Variants in NRP1 observed in about 807,000 individuals in gnomAD.
NRP1 encodes neuropilin-1.
Under a neutral mutation model 106.7 loss-of-function variants are expected in NRP1, and 35 were observed. The ratio of observed to expected loss-of-function variants is 0.33; its 90% confidence interval spans 0.25 to 0.43. The LOEUF (loss-of-function observed/expected upper bound fraction) is 0.43, where lower values mean the gene tolerates loss of function less well. Among genes scored for constraint, NRP1 ranks in the 20% least tolerant of loss-of-function variants. The pLI is 1.00. For synonymous variants in NRP1, 437 were observed against 417.9 expected, an observed-to-expected ratio of 1.05 and a Z score of -0.56; for missense variants, 1,024 against 1,170.4, an observed-to-expected ratio of 0.87 and a Z score of 1.83.
Position 33,330,751 on chromosome 10 carries a change from T to A in NRP1, c.205A>T (p.Ile69Phe). 6.2e-7 allele frequency: 1 copy of A among 1,613,736 alleles called. No individual in the cohort carries two copies. Residue 69 changes from isoleucine (I) to phenylalanine (F), a missense_variant, in exon 2 of 17, where the codon ATC becomes TTC. Ile to Phe is a conservative substitution (Grantham distance 21, BLOSUM62 0). Coordinates refer to ENST00000374867, the MANE Select transcript of NRP1 (RefSeq NM_003873.7). ...QAPDPYQRIM[I>F]NFNPHFDLED... The stretch of plus-strand genomic sequence containing the variant: ...AAATCGAAGTGAGGGTTGAAGTTGA[T>A]CATAATTCTCTGGTATGGGTCCGGA...
chr10:33,202,087 T>A (rs2132697596), intron 11 of NRP1: 1 of 152,224 alleles, frequency 6.6e-6, no homozygotes, highest in East Asian at 1.9e-4. Flanking sequence ...CAAATGAGAG[T>A]CAGATGCTAT....
intron 8 of NRP1, among the ~76,000 whole-genome samples, chr10:33,214,549 T>C (rs1838599617): frequency 6.6e-6 from 1 of 151,960 alleles, no homozygotes; most frequent in Non-Finnish European, 1.5e-5. Context: ...CCGAGCGCTC[T>C]GGCCAGGGTG....
chr10:33,259,949 G>T (rs995756139), intron 4 of NRP1, among the ~76,000 whole-genome samples: 1 of 151,996 alleles, frequency 6.6e-6, no homozygotes, highest in Non-Finnish European at 1.5e-5. Flanking sequence ...AGAACTCTTG[G>T]GCCCAAGTGA....
intron 8 of NRP1, among the ~76,000 whole-genome samples, chr10:33,215,943 AGCTTTC>A (rs1379312898): frequency 1.3e-5 from 2 of 151,980 alleles, no homozygotes; most frequent in African/African-American, 4.8e-5. Context: ...GGAGTTTGGG[AGCTTTC>A]TTTCTGTTCC....
chr10:33,188,908 T>TAA (rs926006694), intron 13 of NRP1, among the ~76,000 whole-genome samples: 1 of 105,950 alleles, frequency 9.4e-6, no homozygotes, highest in African/African-American at 4.4e-5. Flanking sequence ...GACCCTGTCT[T>TAA]AAATATATAT....
chr10:33,328,384 A>T (rs1022198250), intron 2 of NRP1, among the ~76,000 whole-genome samples: 1 of 152,160 alleles, frequency 6.6e-6, no homozygotes, highest in Non-Finnish European at 1.5e-5. Context: ...CTATGGATTT[A>T]TGCTAATTCT....
At chr10:33,193,692 C>T (rs1335438581) in intron 12 of NRP1, among the ~76,000 whole-genome samples, 1 of 152,204 alleles carries the variant, frequency 6.6e-6, no homozygotes, top group Non-Finnish European at 1.5e-5. Context: ...CTTTAACTTG[C>T]TTGTGTTTAT....
At chr10:33,206,197 G>A (rs181113873) in intron 10 of NRP1, 11 of 518,402 alleles carry the variant, frequency 2.1e-5, no homozygotes, top group African/African-American at 5.8e-5. Context: ...CTACAGATTC[G>A]CATCCAGGGA....
In NRP1 at chr10:33,314,034, C is replaced by A. The variant is rs557284330; in HGVS notation, c.248+16674G>T. The stretch of plus-strand genomic sequence containing the variant: ...CTTCCTTCCTTCTCTCTCTCTCTTT[C>A]TCTCTCTCTTTCTTTCTTTCTATTC... On this transcript the variant is annotated intron_variant, in intron 2 of 16. Coordinates refer to ENST00000374867, the MANE Select transcript of NRP1 (RefSeq NM_003873.7). Among the ~76,000 whole-genome samples, 27 of 147,590 alleles carry A rather than the reference C, an allele frequency of 1.8e-4. 2 individuals are homozygous for A. In the East Asian group the frequency reaches 5.4e-3, roughly 30 times the overall value.
Position 33,202,979 on chromosome 10 carries a change from C to T in NRP1, c.1776G>A (p.Pro592=), listed in dbSNP as rs779842104. ...CCACCAAGTTCCCGTTGGGAGTGGT[C>T]GGTCCAGCTGTAGGGGCTGAAACAA... The part of the protein sequence containing the change: ...GCEVEAPTAG[P]TTPNGNLVDE... Residue 592 remains proline (P), a synonymous_variant, in exon 11 of 17, where the codon CCG becomes CCA. Transcript: ENST00000374867. 55 of 1,613,392 alleles carry T rather than the reference C, an allele frequency of 3.4e-5. No homozygotes were observed. Among genetic ancestry groups the T allele is most frequent in the Middle Eastern group, 1.6e-4 (1 of 6,078 alleles).
chr10:33,330,338 T>C (rs1848183315), intron 2 of NRP1, among the ~76,000 whole-genome samples: 1 of 151,828 alleles, frequency 6.6e-6, no homozygotes, highest in Admixed American at 6.6e-5. Flanking sequence ...AGTGATCCAC[T>C]GTATTTCGTA....
In NRP1 at chr10:33,179,997, G is replaced by T; in HGVS notation, c.*79C>A. 6.8e-7 allele frequency: 1 copy of T among 1,459,904 alleles called. No individual in the cohort carries two copies. 90.4% of individuals were successfully genotyped at this position (1,459,904 alleles called of 1,614,324 possible). ...ATCAACACACTTCCCAGCCTGTATA[G>T]TGAAAGATCAACAGCTCCCCAGCTC... On this transcript the variant is annotated 3_prime_UTR_variant, in exon 17 of 17. Transcript: ENST00000374867.
At chr10:33,311,013 A>T (rs1373042864) in intron 2 of NRP1, among the ~76,000 whole-genome samples, 1 of 152,230 alleles carries the variant, frequency 6.6e-6, no homozygotes, top group African/African-American at 2.4e-5. Context: ...AAGGCCTGTC[A>T]TTCCAGAGTA....
chr10:33,271,274 T>G lies in NRP1; in HGVS notation c.249-418A>C, dbSNP rs189749137. On this transcript the variant is annotated intron_variant, in intron 2 of 16. Transcript: ENST00000374867. ...TCTTTTATGAATTCAAAATGTCTCC[T>G]TGGCTGGAGCTCTCTATGAACAATA... Among the ~76,000 whole-genome samples the G allele has an allele frequency of 7.9e-5, 12 of 152,350 alleles. No homozygotes were observed. The East Asian group carries it at 2.1e-3, about 27-fold the overall frequency.
chr10:33,295,447 C>T (rs1845320751), intron 2 of NRP1, among the ~76,000 whole-genome samples: 1 of 152,182 alleles, frequency 6.6e-6, no homozygotes. Context: ...GTGGCTCACG[C>T]CTGTAATCTC....
At chr10:33,183,701 C>T (rs1023259702) in intron 15 of NRP1, among the ~76,000 whole-genome samples, 2 of 152,126 alleles carry the variant, frequency 1.3e-5, no homozygotes, top group African/African-American at 4.8e-5. Flanking sequence ...ATCATAGGTG[C>T]TTTAATAGAT....
Position 33,270,906 on chromosome 10 carries a change from T to A in NRP1, c.249-50A>T, listed in dbSNP as rs549566466. The A allele has an allele frequency of 7.5e-6, 11 of 1,469,156 alleles. No individual in the cohort carries two copies. In the South Asian group the frequency reaches 1.5e-4, roughly 20 times the overall value. 91.0% of individuals were successfully genotyped at this position (1,469,156 alleles called of 1,614,324 possible). ...CATTAGGTTGGTGAGAAATGCCCTT[T>A]TAATTTCAATAATTTAGACACCAGC... is the stretch of plus-strand genomic sequence containing the variant. On this transcript the variant is annotated intron_variant, in intron 2 of 16. Transcript: ENST00000374867.
chr10:33,233,435 G>T (rs1460397133), intron 6 of NRP1, among the ~76,000 whole-genome samples: 1 of 152,170 alleles, frequency 6.6e-6, no homozygotes, highest in Non-Finnish European at 1.5e-5. Flanking sequence ...AATCACTTGA[G>T]GACAAAGCAG....
At chr10:33,319,968 ACCGGAAGGAATAAATT>A (rs1430164217) in intron 2 of NRP1, among the ~76,000 whole-genome samples, 1 of 150,804 alleles carries the variant, frequency 6.6e-6, no homozygotes, top group African/African-American at 2.4e-5. Context: ...CCGCGAACCC[ACCGGAAGGAATAAATT>A]CCGGACACAA....
Sources: gnomAD v4.1 joint callset for allele counts (sites outside exome capture counted in the v4.1 genomes callset) on GRCh38, gnomAD v4.1.1 for gene constraint, MANE v1.5 for transcripts, NCBI Gene and HGNC (gene_info 2026-07-23, HGNC 2026-07-21) for gene names.